ZNF850: variants seen among roughly 807,000 people sequenced by gnomAD.
The protein encoded by ZNF850 is putative zinc finger protein ENSP00000330994.
A neutral mutation model predicts 11.9 loss-of-function variants in ZNF850; 2 were observed. The observed-to-expected ratio is 0.17, with a 90% confidence interval of 0.07 to 0.53. The LOEUF is 0.53. Among genes scored for constraint, ZNF850 ranks in the 20% least tolerant of loss-of-function variants. ZNF850 has a pLI of 0.94. For missense variants in ZNF850, 1,014 were observed against 1,316.4 expected (o/e 0.77, Z 3.55); for synonymous variants, 381 against 443.0 (o/e 0.86, Z 1.76).
chr19:36,770,703 CAAAAAAAAAAAAAAAAAAAAAAAAA>C (rs567709722), intron 1 of ZNF850, among the ~76,000 whole-genome samples: 1 of 66,604 alleles, frequency 1.5e-5, no homozygotes. Flanking sequence ...GAGACTCCAT[CAAAAAAAAAAAAAAAAAAAAAAAAA>C]AAAAAAAAAA....
At chr19:36,772,202 A>G (rs1175434453) in intron 1 of ZNF850, among the ~76,000 whole-genome samples, 1 of 152,098 alleles carries the variant, frequency 6.6e-6, no homozygotes, top group East Asian at 1.9e-4. Context: ...TTCCTTATGT[A>G]TGCCTGCAGC....
In ZNF850 at chr19:36,769,030, G is replaced by T. The variant is rs185127773; in HGVS notation, c.-70+3695C>A. Among the ~76,000 whole-genome samples, 15 of 151,520 alleles carry T rather than the reference G, an allele frequency of 9.9e-5. No individual in the cohort carries two copies. In the East Asian group the frequency reaches 1.2e-3, roughly 12 times the overall value. ...AATCCCAGCACTTTGGGAGGCAGAG[G>T]TGGGTGAATCACTTGAGATCAGGAG... is the stretch of plus-strand genomic sequence containing the variant. On this transcript the variant is annotated intron_variant, in intron 1 of 4. Transcript: ENST00000591344.
Position 36,751,590 on chromosome 19 carries a change from C to T in ZNF850, c.236-786G>A, listed in dbSNP as rs544012740. On this transcript the variant is annotated intron_variant, in intron 4 of 4. Transcript: ENST00000591344. Reference sequence around the variant, plus strand: ...GCCCATGCCTGTAATCTCAGCTACTCGGGAGGCTGAGACAGGAGAATCACT... The same window carrying T: ...GCCCATGCCTGTAATCTCAGCTACTTGGGAGGCTGAGACAGGAGAATCACT... 5.5e-5 allele frequency among the ~76,000 whole-genome samples: 8 copies of T among 145,148 alleles called. No homozygotes were observed. In the South Asian group the frequency reaches 6.8e-4, roughly 12 times the overall value.
chr19:36,765,990 G>A (rs980986385), intron 1 of ZNF850, among the ~76,000 whole-genome samples: 1 of 152,102 alleles, frequency 6.6e-6, no homozygotes, highest in African/African-American at 2.4e-5. Context: ...CTGGGTTCAA[G>A]TGACTCTTGT....
chr19:36,758,436 A>C (rs557685358), intron 4 of ZNF850, among the ~76,000 whole-genome samples: 79 of 152,214 alleles, frequency 5.2e-4, no homozygotes, highest in African/African-American at 1.7e-3. Context: ...ACTGCAGTGC[A>C]GTGGTGTGAT....
chr19:36,758,942 G>A (rs1431672718), intron 4 of ZNF850, among the ~76,000 whole-genome samples: 2 of 151,926 alleles, frequency 1.3e-5, no homozygotes, highest in African/African-American at 4.8e-5. Flanking sequence ...AATTAGCTGG[G>A]TGTGGTGGCA....
intron 1 of ZNF850, among the ~76,000 whole-genome samples, chr19:36,769,678 C>T (rs1015321046): frequency 6.6e-6 from 1 of 152,134 alleles, no homozygotes; most frequent in Admixed American, 6.5e-5. Context: ...CAATGTGAAC[C>T]CATTTGGAAA....
intron 4 of ZNF850, among the ~76,000 whole-genome samples, chr19:36,759,252 C>T (rs2040504639): frequency 1.3e-5 from 2 of 152,132 alleles, no homozygotes; most frequent in African/African-American, 4.8e-5. Flanking sequence ...AGTGGGAGGA[C>T]TGCCTGAGCC....
chr19:36,770,484 A>C (rs2040574098), intron 1 of ZNF850, among the ~76,000 whole-genome samples: 1 of 152,102 alleles, frequency 6.6e-6, no homozygotes, highest in Non-Finnish European at 1.5e-5. Flanking sequence ...AGATCACCTG[A>C]GGTCAGGAGT....
Position 36,762,694 on chromosome 19 carries a change from C to T in ZNF850, c.-69-19G>A, listed in dbSNP as rs1440474074. On this transcript the variant is annotated intron_variant, in intron 1 of 4. Coordinates refer to ENST00000591344, the MANE Select transcript of ZNF850 (RefSeq NM_001193552.2). Reference sequence around the variant, plus strand: ...GTTAGAGCTGGGAATGAATAAAACACATTGATATATTATTTCCCAAATAAA... The same window carrying T: ...GTTAGAGCTGGGAATGAATAAAACATATTGATATATTATTTCCCAAATAAA... 7.5e-7 allele frequency: 1 copy of T among 1,324,662 alleles called. No individual in the cohort carries two copies. Among genetic ancestry groups the T allele is most frequent in the Non-Finnish European group, 1.0e-6 (1 of 955,770 alleles). 82.1% of individuals were successfully genotyped at this position (1,324,662 alleles called of 1,614,324 possible). A position where few individuals can be genotyped will look rare whatever the true frequency, so the allele number is the denominator to read the frequency against.
At position 36,748,468 on chromosome 19, in the gene ZNF850, C is replaced by A. The variant is rs1432781464; in HGVS notation, c.2572G>T (p.Glu858Ter). Residue 858 changes from glutamate to a stop codon, truncating the protein, a stop_gained, in exon 5 of 5, where the codon GAA (glutamate) becomes TAA (stop). Transcript: ENST00000591344. LOFTEE classifies it low-confidence loss of function (END_TRUNC). ...KSFTSRSTLI[E>*]HQRIHTGEKP... ...TCACCAGTGTGAATTCGCTGATGTT[C>A]AATTAGTGTTGAGCGAGAAGTAAAA... 1.3e-6 allele frequency: 2 copies of A among 1,537,672 alleles called. No individual in the cohort carries two copies. Among genetic ancestry groups the A allele is most frequent in the South Asian group, 1.2e-5 (1 of 83,842 alleles).
rs35367899 is a variant in ZNF850, at chr19:36,764,725, CTTTTTTTTTT to C, written c.-69-2060_-69-2051del. Reference sequence around the variant, plus strand: ...TGTGATTTTCTTTTCTTTCCTTTCCCTTTTTTTTTTTTTTTTTTTTTGAAGCAGTCTCGCT... The same window carrying C: ...TGTGATTTTCTTTTCTTTCCTTTCCCTTTTTTTTTTTGAAGCAGTCTCGCT... On this transcript the variant is annotated intron_variant, in intron 1 of 4. Transcript: ENST00000591344. Among the ~76,000 whole-genome samples the C allele has an allele frequency of 1.9e-4, 24 of 126,818 alleles. No individual in the cohort carries two copies. The East Asian group carries it at 5.0e-3, about 26-fold the overall frequency. 83.2% of individuals were successfully genotyped at this position (126,818 alleles called of 152,430 possible).
Position 36,750,403 on chromosome 19 carries a change from C to A in ZNF850, c.637G>T (p.Val213Phe). The A allele has an allele frequency of 6.5e-7, 1 of 1,536,484 alleles. No homozygotes were observed. Among genetic ancestry groups the A allele is most frequent in the Non-Finnish European group, 8.7e-7 (1 of 1,146,938 alleles). ...CCAGTATGAATTCTCTGATGTTTAA[C>A]AAGATAGGAAAAGTGATGAAAGGCC... ...GKAFHHFSYLVKHQRIHTGEK... is the reference protein window; with the variant it reads ...GKAFHHFSYLFKHQRIHTGEK... The change falls in exon 5 of 5, where the codon GTT becomes TTT. Residue 213 changes from valine (V) to phenylalanine (F), a missense_variant. This residue lies in a region of ZNF850 where 835 missense variants were observed against 1,022.0 expected (regional missense o/e 0.82). Transcript: ENST00000591344.
rs1265380875 is a variant in ZNF850 at position 36,743,664 on chromosome 19, A to G, written c.*4103T>C. On this transcript the variant is annotated 3_prime_UTR_variant, in exon 5 of 5. Transcript: ENST00000591344. ...ACACAACAGAAAAAATATCCCAATC[A>G]TATTATAAACAAAAGCCATTAAGTA... 4 of 152,176 alleles carry G rather than the reference A, an allele frequency of 2.6e-5. No homozygotes were observed. Among genetic ancestry groups the G allele is most frequent in the Non-Finnish European group, 5.9e-5 (4 of 68,038 alleles). The allele number at this position is 152,176 out of a possible 1,614,324, so 9.4% of individuals were successfully genotyped here. A position where few individuals can be genotyped will look rare whatever the true frequency, so the allele number is the denominator to read the frequency against.
chr19:36,751,098 C>G (rs1005153756), intron 4 of ZNF850, among the ~76,000 whole-genome samples: 1 of 143,752 alleles, frequency 7.0e-6, no homozygotes, highest in Non-Finnish European at 1.5e-5. Flanking sequence ...AGATGGTGTA[C>G]ATACATGGTA....
rs374790606 is a variant in ZNF850 at position 36,766,855 on chromosome 19, C to A, written c.-69-4180G>T. Among the ~76,000 whole-genome samples, 65 of 152,280 alleles carry A rather than the reference C, an allele frequency of 4.3e-4. 1 individual carries two copies. The South Asian group carries it at 0.012, about 29-fold the overall frequency. On this transcript the variant is annotated intron_variant, in intron 1 of 4. Coordinates refer to ENST00000591344, the MANE Select transcript of ZNF850 (RefSeq NM_001193552.2). ...TGGTGGCTCATGCCTGTAGTCCCAG[C>A]ACTTTGGGAGGCCAAGACGGGTAGA...
intron 3 of ZNF850, 24 bp downstream of exon 3, chr19:36,762,281 T>G (rs2040523744): frequency 6.7e-7 from 1 of 1,492,996 alleles, no homozygotes; most frequent in South Asian, 1.3e-5. Flanking sequence ...AATTCATGAG[T>G]TATTTGCGGA....
At chr19:36,772,275 A>G (rs781088271) in intron 1 of ZNF850, among the ~76,000 whole-genome samples, 9 of 152,032 alleles carry the variant, frequency 5.9e-5, no homozygotes, top group Non-Finnish European at 1.2e-4. Context: ...CTAACTGCCT[A>G]AAGAGTTTTT....
chr19:36,762,376 C>T lies in ZNF850; in HGVS notation c.68G>A (p.Cys23Tyr). 6.3e-7 allele frequency: 1 copy of T among 1,586,236 alleles called. No individual in the cohort carries two copies. Among genetic ancestry groups the T allele is most frequent in the Non-Finnish European group, 8.5e-7 (1 of 1,172,428 alleles). ...TAAGTCCTTCTGAGCAGCGTCCAGG[C>T]ACTCCCATTCCTCCTGAGAGAAGTC... ...SIDFSQEEWE[C>Y]LDAAQKDLYR... The change falls in exon 3 of 5, where the codon TGC (cysteine) becomes TAC (tyrosine). Residue 23 changes from cysteine to tyrosine, a missense_variant. Around this residue, in one of 2 missense-constraint regions of ZNF850, gnomAD observed 835 missense variants for 1,022.0 expected, o/e 0.82. Coordinates refer to ENST00000591344, the MANE Select transcript of ZNF850 (RefSeq NM_001193552.2).
Sources: allele counts gnomAD v4.1 joint callset (sites outside exome capture counted in the v4.1 genomes callset), GRCh38; gene constraint gnomAD v4.1.1; regional missense constraint gnomAD v4.1.1; transcripts MANE v1.5; gene names NCBI Gene and HGNC (gene_info 2026-07-23, HGNC 2026-07-21).